KIRREL3: variants seen among roughly 807,000 people sequenced by gnomAD.
KIRREL3 encodes the protein kirre like nephrin family adhesion molecule 3, also known as kin of IRRE-like protein 3.
Under a neutral mutation model 89.7 loss-of-function variants are expected in KIRREL3, and 36 were observed. That is an observed-to-expected ratio of 0.40 (90% CI 0.31 to 0.53). The LOEUF (loss-of-function observed/expected upper bound fraction) is 0.53, where lower values mean the gene tolerates loss of function less well. Among genes scored for constraint, KIRREL3 ranks in the 20% least tolerant of loss-of-function variants. KIRREL3 has a pLI of 0.49. For missense variants in KIRREL3, 864 were observed against 1,056.6 expected, an observed-to-expected ratio of 0.82 and a Z score of 2.53; for synonymous variants, 445 against 441.4, an observed-to-expected ratio of 1.01 and a Z score of -0.10.
intron 5 of KIRREL3, among the ~76,000 whole-genome samples, chr11:126,472,979 T>G (rs1286704963): frequency 3.5e-5 from 1 of 28,298 alleles, no homozygotes; most frequent in Admixed American, 5.2e-4. Context: ...CCCACCATCC[T>G]CCTCTCTACC....
intron 1 of KIRREL3, chr11:126,935,384 C>A (rs1466293088): frequency 6.6e-6 from 1 of 151,726 alleles, no homozygotes; most frequent in African/African-American, 2.4e-5. Context: ...GGTATTTATC[C>A]AAATGAGTTA....
chr11:126,950,481 A>T (rs1189610652), intron 1 of KIRREL3, among the ~76,000 whole-genome samples: 1 of 152,242 alleles, frequency 6.6e-6, no homozygotes, highest in Non-Finnish European at 1.5e-5. Flanking sequence ...ATCTTTCAGA[A>T]TCTGGCCCCA....
intron 1 of KIRREL3, among the ~76,000 whole-genome samples, chr11:126,692,143 A>G (rs1361267459): frequency 6.6e-6 from 1 of 152,212 alleles, no homozygotes; most frequent in Non-Finnish European, 1.5e-5. Context: ...TAGGACCACC[A>G]TCTGATGCAG....
At chr11:126,592,944 G>C (rs573656872) in intron 1 of KIRREL3, among the ~76,000 whole-genome samples, 65 of 152,264 alleles carry the variant, frequency 4.3e-4, no homozygotes, top group African/African-American at 1.5e-3. Context: ...TTCCTGTGAG[G>C]GGGCTAGGAG....
Position 126,521,665 on chromosome 11 carries a change from T to C in KIRREL3, c.284-201A>G, listed in dbSNP as rs2134430146. On this transcript the variant is annotated intron_variant, in intron 3 of 16. Coordinates refer to ENST00000525144, the MANE Select transcript of KIRREL3 (RefSeq NM_032531.4). This position sits in a 1 kb window ranked among gnomAD's most constrained non-coding sequence, Gnocchi z 4.1. ...GCATTGAAGGTGTTGGTTCTCTCTCTCTCTCTCTGTATGTGTGTGTGTGTG... is the reference window on the plus strand; with the variant it reads ...GCATTGAAGGTGTTGGTTCTCTCTCCCTCTCTCTGTATGTGTGTGTGTGTG... Among the ~76,000 whole-genome samples, 1 of 147,302 alleles carries C rather than the reference T, an allele frequency of 6.8e-6. No individual in the cohort carries two copies. Among genetic ancestry groups the C allele is most frequent in the Admixed American group, 6.9e-5 (1 of 14,528 alleles).
rs966881988 is a variant in KIRREL3, at chr11:126,876,380, T to C, written c.55+124075A>G. On this transcript the variant is annotated intron_variant, in intron 1 of 16. Transcript: ENST00000525144. This position sits in a 1 kb window ranked among gnomAD's most constrained non-coding sequence, Gnocchi z 4.1. ...AGCAGATAGCAATGTGGTAAAAAGA[T>C]GCTTGGTGCCCATCTGGATAATTTC... 2.6e-5 allele frequency among the ~76,000 whole-genome samples: 4 copies of C among 152,168 alleles called. No individual in the cohort carries two copies. Among genetic ancestry groups the C allele is most frequent in the African/African-American group, 9.7e-5 (4 of 41,446 alleles).
intron 15 of KIRREL3, 88 bp from the exon 16 acceptor site, chr11:126,425,812 G>A: frequency 9.1e-7 from 1 of 1,099,662 alleles, no homozygotes; most frequent in Non-Finnish European, 1.3e-6. Context: ...AAACTCAAAA[G>A]ATTGCCCTGT....
Position 126,523,861 on chromosome 11 carries a change from A to G in KIRREL3, c.284-2397T>C, listed in dbSNP as rs1181239936. On this transcript the variant is annotated intron_variant, in intron 3 of 16. Coordinates refer to ENST00000525144, the MANE Select transcript of KIRREL3 (RefSeq NM_032531.4). This position sits in a 1 kb window ranked among gnomAD's most constrained non-coding sequence, Gnocchi z 4.9. The stretch of plus-strand genomic sequence containing the variant: ...TTCTGTTGTCTTGCAAGCTATCAGC[A>G]GCAGGATTTTGCTCTCACGAGCTGC... 6.6e-6 allele frequency among the ~76,000 whole-genome samples: 1 copy of G among 152,188 alleles called. No individual in the cohort carries two copies. Among genetic ancestry groups the G allele is most frequent in the South Asian group, 2.1e-4 (1 of 4,830 alleles).
At position 126,748,094 on chromosome 11, in the gene KIRREL3, G is replaced by A. The variant is rs73018553; in HGVS notation, c.56-185182C>T. On this transcript the variant is annotated intron_variant, in intron 1 of 16. Transcript: ENST00000525144. The surrounding 1 kb of genome is among the most constrained non-coding windows in gnomAD (Gnocchi z 4.6). ...AATCTGAGGAGGTTCACCTTTTAAG[G>A]TGAAAATGGCCAGTCACTGAAAAGC... Among the ~76,000 whole-genome samples the A allele has an allele frequency of 1.2e-4, 18 of 152,270 alleles. No homozygotes were observed. Among genetic ancestry groups the A allele is most frequent in the Non-Finnish European group, 2.4e-4 (16 of 68,020 alleles).
chr11:126,923,178 C>CTTCTT (rs1947460780), intron 1 of KIRREL3, among the ~76,000 whole-genome samples: 3 of 21,384 alleles, frequency 1.4e-4, no homozygotes, highest in African/African-American at 2.2e-4. Context: ...TTCTTCTTCT[C>CTTCTT]TTCTTCTTCT....
At chr11:126,572,019 T>G (rs1052317460) in intron 1 of KIRREL3, among the ~76,000 whole-genome samples, 3 of 152,342 alleles carry the variant, frequency 2.0e-5, no homozygotes, top group African/African-American at 7.2e-5. Flanking sequence ...AACAGAAAGT[T>G]GGAAGTCGTG....
chr11:126,933,843 C>T (rs377525000), intron 1 of KIRREL3, among the ~76,000 whole-genome samples: 2 of 150,998 alleles, frequency 1.3e-5, no homozygotes, highest in East Asian at 3.9e-4. Flanking sequence ...AGAGACATTC[C>T]ATTTTAATGG....
At position 126,890,941 on chromosome 11, in the gene KIRREL3, GT is replaced by G; in HGVS notation, c.55+109513del. 6.6e-6 allele frequency among the ~76,000 whole-genome samples: 1 copy of G among 152,192 alleles called. No individual in the cohort carries two copies. Among genetic ancestry groups the G allele is most frequent in the South Asian group, 2.1e-4 (1 of 4,828 alleles). On this transcript the variant is annotated intron_variant, in intron 1 of 16. Coordinates refer to ENST00000525144, the MANE Select transcript of KIRREL3 (RefSeq NM_032531.4). The surrounding 1 kb of genome is among the most constrained non-coding windows in gnomAD (Gnocchi z 5.1). ...TAATTCCCAGGCTGATTCCAGTGCT[GT>G]TGGTCCCCCGCTTGGTTCATTACAT...
rs534738276 is a variant in KIRREL3, at chr11:126,608,609, C to T, written c.56-45697G>A. ...TGCTTTCTTCTGAGCTCAATAATCA[C>T]CCTGGACTAATCCATACACAAAATC... On this transcript the variant is annotated intron_variant, in intron 1 of 16. Coordinates refer to ENST00000525144, the MANE Select transcript of KIRREL3 (RefSeq NM_032531.4). This position sits in a 1 kb window ranked among gnomAD's most constrained non-coding sequence, Gnocchi z 4.9. Among the ~76,000 whole-genome samples the T allele has an allele frequency of 6.6e-6, 1 of 152,080 alleles. No individual in the cohort carries two copies. Among genetic ancestry groups the T allele is most frequent in the Non-Finnish European group, 1.5e-5 (1 of 68,044 alleles).
At chr11:126,974,735 T>C (rs1419159913) in intron 1 of KIRREL3, among the ~76,000 whole-genome samples, 2 of 152,162 alleles carry the variant, frequency 1.3e-5, no homozygotes, top group Non-Finnish European at 2.9e-5. Flanking sequence ...CTACAAGGTT[T>C]GGCTCTATCA....
rs932952542 is a variant in KIRREL3 at position 126,755,537 on chromosome 11, A to G, written c.56-192625T>C. Among the ~76,000 whole-genome samples, 4 of 152,140 alleles carry G rather than the reference A, an allele frequency of 2.6e-5. No individual in the cohort carries two copies. Among genetic ancestry groups the G allele is most frequent in the African/African-American group, 7.2e-5 (3 of 41,432 alleles). On this transcript the variant is annotated intron_variant, in intron 1 of 16. Coordinates refer to ENST00000525144, the MANE Select transcript of KIRREL3 (RefSeq NM_032531.4). The surrounding 1 kb of genome is among the most constrained non-coding windows in gnomAD (Gnocchi z 4.3). ...TTAAAAAAGACACACACCAGAAAGT[A>G]AAAAAACAAAACAACAACAACAAAA... is the stretch of plus-strand genomic sequence containing the variant.
chr11:126,718,081 A>G (rs955062101), intron 1 of KIRREL3, among the ~76,000 whole-genome samples: 6 of 152,130 alleles, frequency 3.9e-5, no homozygotes, highest in Admixed American at 3.3e-4. Flanking sequence ...AGATTCAATG[A>G]TCTCCTACCT....
At position 126,501,483 on chromosome 11, in the gene KIRREL3, G is replaced by A. The variant is rs537435350; in HGVS notation, c.433+19832C>T. 4.6e-5 allele frequency among the ~76,000 whole-genome samples: 7 copies of A among 152,134 alleles called. No individual in the cohort carries two copies. The highest frequency in any genetic ancestry group is 1.0e-4 in the Non-Finnish European group (7 of 68,020). On this transcript the variant is annotated intron_variant, in intron 4 of 16. Transcript: ENST00000525144. This position sits in a 1 kb window ranked among gnomAD's most constrained non-coding sequence, Gnocchi z 5.8. ...GGTCGAGCAGATTCTACCGCAGCCC[G>A]TCCTGGGTCCTGTTGATGTGCTACA...
At chr11:126,928,179 A>T (rs967136640) in intron 1 of KIRREL3, among the ~76,000 whole-genome samples, 2 of 152,246 alleles carry the variant, frequency 1.3e-5, no homozygotes, top group African/African-American at 4.8e-5. Flanking sequence ...TAGGAGCTTC[A>T]CTGGCCTTGA....
Sources: allele counts gnomAD v4.1 joint callset (sites outside exome capture counted in the v4.1 genomes callset), GRCh38; gene constraint gnomAD v4.1.1; non-coding constraint Gnocchi (gnomAD v3.1); transcripts MANE v1.5; gene names NCBI Gene and HGNC (gene_info 2026-07-23, HGNC 2026-07-21).